The following VIT variants were observed in gnomAD, a reference collection of about 807,000 sequenced individuals.
The protein encoded by VIT is vitrin.
A neutral mutation model predicts 78.0 loss-of-function variants in VIT; 99 were observed. The ratio of observed to expected loss-of-function variants is 1.27; its 90% CI spans 1.08 to 1.50. VIT has a LOEUF of 1.50. Ranked by LOEUF, VIT falls within the 40% of genes most tolerant of loss-of-function variation. VIT has a pLI of 0.00. For synonymous variants in VIT, 374 were observed against 334.3 expected, an observed-to-expected ratio of 1.12 and a Z score of -1.29; for missense variants, 1,126 against 875.3, an observed-to-expected ratio of 1.29 and a Z score of -3.61.
At position 36,796,638 on chromosome 2, in the gene VIT, G is replaced by GT. The variant is rs1362326462; in HGVS notation, c.1059-4657dup. On this transcript the variant is annotated intron_variant, in intron 12 of 15. Transcript: ENST00000379242. ...TTTTCTGTAAAAACTTTTTTTTTTAGTTTTTTGTTGTTGTTGTTTGTTTGT... is the reference window on the plus strand; with the variant it reads ...TTTTCTGTAAAAACTTTTTTTTTTAGTTTTTTTGTTGTTGTTGTTTGTTTGT... Among the ~76,000 whole-genome samples the GT allele has an allele frequency of 6.0e-4, 91 of 151,222 alleles. 1 individual carries two copies. Among genetic ancestry groups the GT allele is most frequent in the African/African-American group, 1.9e-3 (78 of 41,232 alleles).
chr2:36,784,836 A>G (rs1664986185), intron 11 of VIT, among the ~76,000 whole-genome samples: 1 of 152,252 alleles, frequency 6.6e-6, no homozygotes, highest in Non-Finnish European at 1.5e-5. Context: ...TTTCACCTCT[A>G]TATAAGAAAG....
rs530985036 is a variant in VIT at position 36,762,021 on chromosome 2, G to A, written c.487+2975G>A. Among the ~76,000 whole-genome samples, 4 of 152,278 alleles carry A rather than the reference G, an allele frequency of 2.6e-5. No individual in the cohort carries two copies. In the South Asian group the frequency reaches 8.3e-4, roughly 32 times the overall value. On this transcript the variant is annotated intron_variant, in intron 6 of 15. Coordinates refer to ENST00000379242, the MANE Select transcript of VIT (RefSeq NM_053276.4). ...CAAACTCGGTATCACCTTAAAGCAG[G>A]GAAAGTTGCAGGGAAAAGAGTGTAG...
chr2:36,753,955 C>T (rs1668617872), intron 4 of VIT, among the ~76,000 whole-genome samples: 5 of 152,174 alleles, frequency 3.3e-5, no homozygotes. Flanking sequence ...GTCCTGCAAC[C>T]TCACACAGCC....
At chr2:36,732,632 G>T (rs1342691074) in intron 3 of VIT, among the ~76,000 whole-genome samples, 1 of 152,106 alleles carries the variant, frequency 6.6e-6, no homozygotes, top group Non-Finnish European at 1.5e-5. Context: ...TATTTATTGT[G>T]TGCTGGCCAA....
At chr2:36,704,833 T>C (rs369517910) in intron 1 of VIT, among the ~76,000 whole-genome samples, 8 of 149,440 alleles carry the variant, frequency 5.4e-5, no homozygotes, top group South Asian at 2.1e-4. Flanking sequence ...GTGTGGATCT[T>C]GCAGACGCAC....
chr2:36,762,866 A>C (rs1669205888), intron 6 of VIT, among the ~76,000 whole-genome samples: 1 of 152,156 alleles, frequency 6.6e-6, no homozygotes, highest in Non-Finnish European at 1.5e-5. Flanking sequence ...CACACTGAGA[A>C]CAGGCGTTCC....
intron 8 of VIT, chr2:36,774,779 G>A (rs956473585): frequency 1.0e-6 from 1 of 985,360 alleles, no homozygotes; most frequent in African/African-American, 1.7e-5. Flanking sequence ...ACAGACTCGT[G>A]GGACTCTACA....
chr2:36,775,107 T>C, intron 9 of VIT, 40 bp downstream of exon 9: 3 of 1,610,154 alleles, frequency 1.9e-6, no homozygotes, highest in Non-Finnish European at 2.5e-6. Context: ...TCCCTAGGAA[T>C]TTGCTCTGTG....
Position 36,814,504 on chromosome 2 carries a change from T to A in VIT, c.*143T>A. 9.6e-7 allele frequency: 1 copy of A among 1,039,134 alleles called. No homozygotes were observed. Among genetic ancestry groups the A allele is most frequent in the Non-Finnish European group, 1.3e-6 (1 of 747,206 alleles). 64.4% of individuals were successfully genotyped at this position (1,039,134 alleles called of 1,614,324 possible). ...AATGTCTTGTTATTATTCTTTGCCA[T>A]CATGCTTTTTCATATTCCAAAACTT... On this transcript the variant is annotated 3_prime_UTR_variant, in exon 16 of 16. Coordinates refer to ENST00000379242, the MANE Select transcript of VIT (RefSeq NM_053276.4).
At chr2:36,703,602 T>C (rs1253946938) in intron 1 of VIT, among the ~76,000 whole-genome samples, 1 of 152,204 alleles carries the variant, frequency 6.6e-6, no homozygotes, top group Non-Finnish European at 1.5e-5. Flanking sequence ...CGTTTGCGTG[T>C]GAGACAGAGT....
At chr2:36,760,503 TG>T (rs1386765472) in intron 6 of VIT, among the ~76,000 whole-genome samples, 2 of 152,208 alleles carry the variant, frequency 1.3e-5, no homozygotes, top group African/African-American at 2.4e-5. Flanking sequence ...ACCCGTGAAC[TG>T]GCAGTGGGTC....
intron 6 of VIT, among the ~76,000 whole-genome samples, chr2:36,766,668 T>C (rs1468811): frequency 0.96 from 146,725 of 152,296 alleles, 70,927 homozygotes; most frequent in East Asian, 1. Flanking sequence ...ATCTAAAACG[T>C]ATTCTCTAAG....
At chr2:36,742,420 G>A (rs1315551758) in intron 3 of VIT, among the ~76,000 whole-genome samples, 1 of 152,110 alleles carries the variant, frequency 6.6e-6, no homozygotes, top group African/African-American at 2.4e-5. Flanking sequence ...AAGCGTTCAG[G>A]CAGATAAGAA....
chr2:36,784,718 T>A (rs1664978343), intron 11 of VIT, among the ~76,000 whole-genome samples: 1 of 152,250 alleles, frequency 6.6e-6, no homozygotes, highest in Non-Finnish European at 1.5e-5. Flanking sequence ...CTTCCTTGAC[T>A]TTCAACCTCT....
intron 1 of VIT, among the ~76,000 whole-genome samples, chr2:36,707,918 A>G (rs1309568576): frequency 1.3e-5 from 2 of 151,766 alleles, no homozygotes; most frequent in East Asian, 3.9e-4. Flanking sequence ...ATCAAGAAAG[A>G]AAGAAAAACT....
At chr2:36,710,601 A>C (rs891115676) in intron 1 of VIT, among the ~76,000 whole-genome samples, 2 of 103,802 alleles carry the variant, frequency 1.9e-5, no homozygotes, top group Non-Finnish European at 3.8e-5. Flanking sequence ...GCTCTTTGTT[A>C]CTATAGAGTA....
At chr2:36,794,106 G>A (rs1014171592) in intron 12 of VIT, among the ~76,000 whole-genome samples, 15 of 152,138 alleles carry the variant, frequency 9.9e-5, no homozygotes, top group African/African-American at 3.6e-4. Flanking sequence ...AAACACCTGT[G>A]CCCATTTCTG....
At chr2:36,708,862 A>G (rs1665619457) in intron 1 of VIT, among the ~76,000 whole-genome samples, 1 of 152,172 alleles carries the variant, frequency 6.6e-6, no homozygotes, top group African/African-American at 2.4e-5. Context: ...CTTTAAAACA[A>G]TATTGGGCCA....
chr2:36,741,722 T>C (rs1667847470), intron 3 of VIT, among the ~76,000 whole-genome samples: 1 of 152,130 alleles, frequency 6.6e-6, no homozygotes. Context: ...GGAGAGGTTT[T>C]ATTCTACTCC....
Sources: allele counts gnomAD v4.1 joint callset (sites outside exome capture counted in the v4.1 genomes callset), GRCh38; gene constraint gnomAD v4.1.1; transcripts MANE v1.5; gene names NCBI Gene and HGNC (gene_info 2026-07-23, HGNC 2026-07-21).